The following DPYD variants were observed in gnomAD, a reference collection of about 807,000 sequenced individuals.
DPYD encodes the protein dihydropyrimidine dehydrogenase [NADP(+)].
A neutral mutation model predicts 116.2 loss-of-function variants in DPYD; 109 were observed. The ratio of observed to expected loss-of-function variants is 0.94; its 90% CI spans 0.80 to 1.10. The LOEUF is 1.10. Ranked by LOEUF, DPYD falls within the 50% of genes least tolerant of loss-of-function variation. The probability of loss-of-function intolerance (pLI) is 0.00; values close to 1 mark genes in which losing one functional copy is unlikely to be tolerated. For missense variants in DPYD, 1,302 were observed against 1,254.5 expected (o/e 1.04, Z -0.57); for synonymous variants, 440 against 432.0 (o/e 1.02, Z -0.23).
At chr1:97,920,837 C>G (rs1380400227) in intron 1 of DPYD, 47 bp downstream of exon 1, 1 of 1,567,662 alleles carries the variant, frequency 6.4e-7, no homozygotes, top group Non-Finnish European at 8.6e-7. Flanking sequence ...CCGCAGAGCA[C>G]TCCCCACCAC....
At chr1:97,118,879 C>T (rs554024357) in intron 20 of DPYD, among the ~76,000 whole-genome samples, 1 of 152,128 alleles carries the variant, frequency 6.6e-6, no homozygotes, top group African/African-American at 2.4e-5. Context: ...TAGCGCATAT[C>T]ATCTGAGGAT....
At chr1:97,777,445 C>G (rs1666472015) in intron 3 of DPYD, among the ~76,000 whole-genome samples, 1 of 152,178 alleles carries the variant, frequency 6.6e-6, no homozygotes, top group South Asian at 2.1e-4. Flanking sequence ...AAATTCATAA[C>G]ACAAAATATT....
At chr1:97,597,296 G>A (rs528382147) in intron 8 of DPYD, among the ~76,000 whole-genome samples, 1 of 152,272 alleles carries the variant, frequency 6.6e-6, no homozygotes, top group East Asian at 1.9e-4. Context: ...CTCTACCTGG[G>A]TGACAGGTCA....
intron 3 of DPYD, among the ~76,000 whole-genome samples, chr1:97,786,554 T>A (rs1296687844): frequency 6.6e-6 from 1 of 152,208 alleles, no homozygotes; most frequent in Admixed American, 6.5e-5. Context: ...CTTCTCATCC[T>A]GGAAATGTGC....
chr1:97,396,383 T>C (rs1673007068), intron 14 of DPYD, among the ~76,000 whole-genome samples: 1 of 151,882 alleles, frequency 6.6e-6, no homozygotes, highest in Non-Finnish European at 1.5e-5. Flanking sequence ...AATGTGTTGG[T>C]TTACTTTTAT....
At chr1:97,604,187 GA>G (rs1479086704) in intron 8 of DPYD, among the ~76,000 whole-genome samples, 1 of 152,082 alleles carries the variant, frequency 6.6e-6, no homozygotes, top group Non-Finnish European at 1.5e-5. Context: ...AGTTCAGAAG[GA>G]TAAGATCTCT....
At chr1:97,115,115 T>C (rs1006148182) in intron 20 of DPYD, among the ~76,000 whole-genome samples, 1 of 152,206 alleles carries the variant, frequency 6.6e-6, no homozygotes, top group Non-Finnish European at 1.5e-5. Context: ...AAAGAAGTCA[T>C]TACTGCTTAT....
chr1:97,209,172 C>T (rs938000336), intron 19 of DPYD, among the ~76,000 whole-genome samples: 3 of 152,224 alleles, frequency 2.0e-5, no homozygotes, highest in African/African-American at 7.2e-5. Flanking sequence ...ACCGCCTACC[C>T]ATAAATCAAT....
intron 11 of DPYD, among the ~76,000 whole-genome samples, chr1:97,554,441 T>C (rs12060391): frequency 0.12 from 18,069 of 152,034 alleles, 1,235 homozygotes; most frequent in African/African-American, 0.18. Flanking sequence ...ATAAAAACTT[T>C]CAACATTTAC....
chr1:97,779,999 A>G (rs568996414), intron 3 of DPYD, among the ~76,000 whole-genome samples: 1 of 152,332 alleles, frequency 6.6e-6, no homozygotes, highest in African/African-American at 2.4e-5. Flanking sequence ...GGCTACTTAC[A>G]TAACTTAATT....
chr1:97,394,848 T>C (rs1372431227), intron 14 of DPYD, among the ~76,000 whole-genome samples: 1 of 152,054 alleles, frequency 6.6e-6, no homozygotes, highest in African/African-American at 2.4e-5. Context: ...GAATATGCTG[T>C]GTTTAAGAAA....
chr1:97,589,409 G>C (rs1327589295), intron 10 of DPYD, among the ~76,000 whole-genome samples: 2 of 152,160 alleles, frequency 1.3e-5, no homozygotes, highest in African/African-American at 2.4e-5. Context: ...TCACAGATCT[G>C]ATGATTGTAT....
chr1:97,499,141 A>C (rs976468580), intron 13 of DPYD, among the ~76,000 whole-genome samples: 2 of 151,766 alleles, frequency 1.3e-5, no homozygotes, highest in Admixed American at 1.3e-4. Context: ...CAGGAGATAT[A>C]TCTTTAAATA....
chr1:97,487,863 G>A lies in DPYD; in HGVS notation c.1740+27863C>T, dbSNP rs192961748. 1.1e-3 allele frequency among the ~76,000 whole-genome samples: 168 copies of A among 152,174 alleles called. 2 individuals carry two copies. The highest frequency in any genetic ancestry group is 3.9e-3 in the African/African-American group (160 of 41,540). On this transcript the variant is annotated intron_variant, in intron 13 of 22. Coordinates refer to ENST00000370192, the MANE Select transcript of DPYD (RefSeq NM_000110.4). ...TACAGCCATTCTGAAAAACAGTTTG[G>A]CACTTTTTAATCAAATTAAACATAT...
At chr1:97,744,393 G>T (rs147331060) in intron 3 of DPYD, among the ~76,000 whole-genome samples, 2,695 of 152,000 alleles carry the variant, frequency 0.018, 35 homozygotes, top group Non-Finnish European at 0.028. Context: ...GCTTGTTAAA[G>T]AATTTTCTAG....
chr1:97,520,857 T>G (rs908724422), intron 12 of DPYD, among the ~76,000 whole-genome samples: 1 of 152,222 alleles, frequency 6.6e-6, no homozygotes, highest in African/African-American at 2.4e-5. Flanking sequence ...AGCCACATTT[T>G]CTTTATCTAG....
chr1:97,546,399 C>T (rs1031904026), intron 12 of DPYD: 8 of 1,495,692 alleles, frequency 5.3e-6, no homozygotes, highest in African/African-American at 1.4e-5. Context: ...CAGATAAGGG[C>T]AGTGATTCTG....
Position 97,628,711 on chromosome 1 carries a change from C to CA in DPYD, c.851-33546dup, listed in dbSNP as rs573678609. Among the ~76,000 whole-genome samples, 563 of 149,166 alleles carry CA rather than the reference C, an allele frequency of 3.8e-3. 6 individuals carry two copies. Among genetic ancestry groups the CA allele is most frequent in the Middle Eastern group, 6.9e-3 (2 of 290 alleles). Reference sequence around the variant, plus strand: ...AAAATACTTTATATATGCATACATGCAAAAAAAAAGTGGCTAGAAGAAAAA... The same window carrying CA: ...AAAATACTTTATATATGCATACATGCAAAAAAAAAAGTGGCTAGAAGAAAAA... On this transcript the variant is annotated intron_variant, in intron 8 of 22. Coordinates refer to ENST00000370192, the MANE Select transcript of DPYD (RefSeq NM_000110.4).
At chr1:97,863,952 G>A (rs1022673082) in intron 2 of DPYD, among the ~76,000 whole-genome samples, 2 of 151,866 alleles carry the variant, frequency 1.3e-5, no homozygotes, top group African/African-American at 2.4e-5. Context: ...TCGTGTGAAA[G>A]GGAGATTCTA....
Sources: allele counts gnomAD v4.1 joint callset (sites outside exome capture counted in the v4.1 genomes callset), GRCh38; gene constraint gnomAD v4.1.1; transcripts MANE v1.5; gene names NCBI Gene and HGNC (gene_info 2026-07-23, HGNC 2026-07-21).